Variants in SRGAP3 observed in about 807,000 individuals in gnomAD.
SRGAP3 encodes SLIT-ROBO Rho GTPase-activating protein 3.
A neutral mutation model predicts 121.1 loss-of-function variants in SRGAP3; 39 were observed. The observed-to-expected ratio is 0.32, with a 90% CI of 0.25 to 0.42. The LOEUF (loss-of-function observed/expected upper bound fraction) is 0.42, where lower values mean the gene tolerates loss of function less well. Among genes scored for constraint, SRGAP3 ranks in the 10% least tolerant of loss-of-function variants. The pLI, the probability that SRGAP3 is intolerant of heterozygous loss-of-function variation, is 1.00. For missense variants in SRGAP3, 1,213 were observed against 1,470.6 expected, an observed-to-expected ratio of 0.82 and a Z score of 2.86; for synonymous variants, 601 against 570.0, an observed-to-expected ratio of 1.05 and a Z score of -0.77.
rs570602118 is a variant in SRGAP3, at chr3:8,990,757, G to A, written c.2641C>T (p.Pro881Ser). ...GCCCGGGGTGGTGTGTCTATGCTGG[G>A]GCCCAGGCCCCGGGGCGGGCTGTGT... is the stretch of plus-strand genomic sequence containing the variant. ...DTHSPPRGLG[P>S]SIDTPPRAAA... Residue 881 changes from proline (P) to serine (S), a missense_variant, in exon 21 of 22, where the codon CCC becomes TCC. Physicochemically the swap from Pro to Ser is moderately conservative, Grantham distance 74. Around this residue, in one of 2 missense-constraint regions of SRGAP3, gnomAD observed 420 missense variants for 437.7 expected, o/e 0.96. Transcript: ENST00000383836. The A allele has an allele frequency of 1.2e-6, 2 of 1,606,930 alleles. No individual in the cohort carries two copies. The highest frequency in any genetic ancestry group is 2.2e-5 in the East Asian group (1 of 44,732).
chr3:9,319,719 T>TG (rs1335338989), intron 3 of SRGAP3, among the ~76,000 whole-genome samples: 1 of 151,774 alleles, frequency 6.6e-6, no homozygotes, highest in Non-Finnish European at 1.5e-5. Flanking sequence ...CAGGGAGTTA[T>TG]GGAAGTAAAT....
At chr3:9,211,493 G>C (rs953047234) in intron 1 of SRGAP3, among the ~76,000 whole-genome samples, 1 of 152,062 alleles carries the variant, frequency 6.6e-6, no homozygotes, top group Non-Finnish European at 1.5e-5. Flanking sequence ...AGTGTTTGTT[G>C]TATCTAGGGA....
At chr3:9,215,016 G>C (rs1326964139) in intron 1 of SRGAP3, among the ~76,000 whole-genome samples, 1 of 152,210 alleles carries the variant, frequency 6.6e-6, no homozygotes, top group Non-Finnish European at 1.5e-5. Context: ...TTTGAGGAAG[G>C]AGAGCTAAGT....
chr3:9,262,022 C>G (rs531223534), intron 3 of SRGAP3, among the ~76,000 whole-genome samples: 5 of 152,196 alleles, frequency 3.3e-5, no homozygotes, highest in African/African-American at 1.2e-4. Flanking sequence ...TCTGCAGAAA[C>G]CCTACAAGCC....
chr3:9,252,349 C>T (rs937874082), upstream of SRGAP3, among the ~76,000 whole-genome samples: 1 of 152,084 alleles, frequency 6.6e-6, no homozygotes, highest in African/African-American at 2.4e-5. Flanking sequence ...AGGCTGGTCT[C>T]AAGCAATTCT....
Position 9,185,212 on chromosome 3 carries a change from G to A in SRGAP3, c.68-60295C>T, listed in dbSNP as rs570166111. 7.4e-4 allele frequency among the ~76,000 whole-genome samples: 113 copies of A among 152,254 alleles called. 1 individual carries two copies. The highest frequency in any genetic ancestry group is 2.6e-3 in the African/African-American group (107 of 41,536). On this transcript the variant is annotated intron_variant, in intron 1 of 21. Transcript: ENST00000383836. ...TTTCACAATCACTACTGACCTCTTT[G>A]CCTGCCTGGATTCCAACCTCCCATG...
rs188554872 is a variant in SRGAP3, at chr3:9,186,830, C to G, written c.68-61913G>C. 4.7e-3 allele frequency among the ~76,000 whole-genome samples: 717 copies of G among 152,318 alleles called. 2 individuals carry two copies. Among genetic ancestry groups the G allele is most frequent in the African/African-American group, 0.017 (688 of 41,564 alleles). ...GCTCTTGAATAAACATCGGGGGCATCTGCTATTCTACAGAGGAACAGCTTG... is the reference window on the plus strand; with the variant it reads ...GCTCTTGAATAAACATCGGGGGCATGTGCTATTCTACAGAGGAACAGCTTG... On this transcript the variant is annotated intron_variant, in intron 1 of 21. Coordinates refer to ENST00000383836, the MANE Select transcript of SRGAP3 (RefSeq NM_014850.4).
At chr3:9,016,675 C>T (rs1200741054) in intron 14 of SRGAP3, among the ~76,000 whole-genome samples, 2 of 152,150 alleles carry the variant, frequency 1.3e-5, no homozygotes, top group Admixed American at 6.5e-5. Context: ...CTGAGACGAC[C>T]GTGTGCATGT....
chr3:9,078,459 C>T (rs934162735), intron 4 of SRGAP3, among the ~76,000 whole-genome samples: 3 of 152,106 alleles, frequency 2.0e-5, no homozygotes, highest in South Asian at 2.1e-4. Flanking sequence ...CCACCCTTCC[C>T]CCCACCGTGA....
upstream of SRGAP3, among the ~76,000 whole-genome samples, chr3:9,253,025 C>A (rs1364131454): frequency 6.6e-6 from 1 of 152,232 alleles, no homozygotes; most frequent in African/African-American, 2.4e-5. Context: ...GTTCTCCCTG[C>A]ACACAAGCAC....
intron 3 of SRGAP3, among the ~76,000 whole-genome samples, chr3:9,293,527 G>T (rs969583973): frequency 2.6e-5 from 4 of 152,074 alleles, no homozygotes; most frequent in Non-Finnish European, 5.9e-5. Flanking sequence ...CACAACAAAA[G>T]AAACTATCAA....
At chr3:9,300,314 C>T (rs1405787872) in intron 3 of SRGAP3, among the ~76,000 whole-genome samples, 4 of 149,764 alleles carry the variant, frequency 2.7e-5, no homozygotes, top group African/African-American at 9.8e-5. Flanking sequence ...AAACTTCACA[C>T]TTCACAACTC....
intron 1 of SRGAP3, among the ~76,000 whole-genome samples, chr3:9,173,989 T>C (rs1373358827): frequency 6.6e-6 from 1 of 150,568 alleles, no homozygotes; most frequent in Non-Finnish European, 1.5e-5. Context: ...AATGTGTCCA[T>C]CGACGGATGG....
intron 1 of SRGAP3, among the ~76,000 whole-genome samples, chr3:9,172,082 CTTTTT>C (rs1951000470): frequency 1.4e-5 from 2 of 144,682 alleles, no homozygotes; most frequent in Non-Finnish European, 1.5e-5. Flanking sequence ...TTCCAAATGA[CTTTTT>C]CTTTTCTTTT....
At chr3:8,992,387 C>T (rs1942108395) in intron 20 of SRGAP3, among the ~76,000 whole-genome samples, 1 of 152,188 alleles carries the variant, frequency 6.6e-6, no homozygotes, top group Non-Finnish European at 1.5e-5. Context: ...GGTTATGTGA[C>T]ACAGCCTGGC....
At chr3:9,193,109 G>A (rs567244427) in intron 1 of SRGAP3, 1 of 152,232 alleles carries the variant, frequency 6.6e-6, no homozygotes, top group South Asian at 2.1e-4. Flanking sequence ...TGGGGTGAGG[G>A]AGACAAGTCA....
chr3:9,267,712 C>G (rs1258174403), intron 3 of SRGAP3, among the ~76,000 whole-genome samples: 1 of 152,136 alleles, frequency 6.6e-6, no homozygotes, highest in Non-Finnish European at 1.5e-5. Context: ...TGTCCTTCAC[C>G]TGGGGAAGTC....
chr3:8,995,932 A>G (rs560285503), intron 18 of SRGAP3, among the ~76,000 whole-genome samples: 1 of 152,338 alleles, frequency 6.6e-6, no homozygotes, highest in East Asian at 1.9e-4. Flanking sequence ...TAGCTTCTCC[A>G]TGCTGAGCTT....
At chr3:9,040,366 T>C (rs1944959151) in intron 10 of SRGAP3, among the ~76,000 whole-genome samples, 1 of 152,112 alleles carries the variant, frequency 6.6e-6, no homozygotes. Context: ...GCTTTCTCCT[T>C]TGTGTGCTCT....
Sources: allele counts gnomAD v4.1 joint callset (sites outside exome capture counted in the v4.1 genomes callset), GRCh38; gene constraint gnomAD v4.1.1; regional missense constraint gnomAD v4.1.1; transcripts MANE v1.5; gene names NCBI Gene and HGNC (gene_info 2026-07-23, HGNC 2026-07-21).